YJEFN3: variants seen among roughly 807,000 people sequenced by gnomAD.
YJEFN3 encodes the protein yjeF N-terminal domain-containing protein 3.
YJEFN3 carries 29 observed loss-of-function variants against 31.5 expected under a neutral mutation model. That is an observed-to-expected ratio of 0.92 (90% CI 0.69 to 1.26). The LOEUF (loss-of-function observed/expected upper bound fraction) is 1.26, where lower values mean the gene tolerates loss of function less well. Ranked by LOEUF, YJEFN3 falls within the 50% of genes most tolerant of loss-of-function variation. The probability of loss-of-function intolerance (pLI) is 0.00; values close to 1 mark genes in which losing one functional copy is unlikely to be tolerated. For missense variants in YJEFN3, 442 were observed against 425.4 expected, an observed-to-expected ratio of 1.04 and a Z score of -0.34; for synonymous variants, 227 against 196.1, an observed-to-expected ratio of 1.16 and a Z score of -1.32.
At chr19:19,529,591 AC>A in intron 2 of YJEFN3, 78 bp downstream of exon 2, 1 of 1,550,936 alleles carries the variant, frequency 6.4e-7, no homozygotes, top group South Asian at 1.2e-5. Flanking sequence ...GTGACATGGG[AC>A]CCCAGGCAAG....
intron 4 of YJEFN3, 64 bp from the exon 5 acceptor site, chr19:19,535,273 C>T: frequency 1.3e-6 from 2 of 1,552,282 alleles, no homozygotes; most frequent in Non-Finnish European, 1.8e-6. Flanking sequence ...GTGCTTGTCC[C>T]AGGCAGGGTC....
In YJEFN3 at chr19:19,537,327, G is replaced by A. The variant is rs370349413; in HGVS notation, c.703G>A (p.Ala235Thr). ...GGACCCTCCTCCCTCAGGCTGGGAC[G>A]CAGAGACCGGCAGCGATTCGGAGGA... Reference protein sequence around the residue: ...VSLDIPSGWDAETGSDSEDGL... With the variant: ...VSLDIPSGWDTETGSDSEDGL... The change falls in exon 7 of 7, where the codon GCA becomes ACA. Residue 235 changes from alanine (A) to threonine (T), a missense_variant. Transcript: ENST00000514277. 2.5e-6 allele frequency: 4 copies of A among 1,591,804 alleles called. No individual in the cohort carries two copies. In the South Asian group the frequency reaches 3.3e-5, roughly 13 times the overall value.
rs1384946314 is a variant in YJEFN3, at chr19:19,528,934, T to TGAGCAGCGCAGC, written c.3_14dup (p.Ser2_Ala5dup). The TGAGCAGCGCAGC allele has an allele frequency of 1.9e-6, 3 of 1,548,394 alleles. No homozygotes were observed. In the Admixed American group the frequency reaches 5.9e-5, roughly 30 times the overall value. ...CCGGCGCCCGGGCTCACCTCGGCCATGAGCAGCGCAGCCGGCCCAGACCCG... is the reference window on the plus strand; with the variant it reads ...CCGGCGCCCGGGCTCACCTCGGCCATGAGCAGCGCAGCGAGCAGCGCAGCCGGCCCAGACCCG... On this transcript the variant is annotated inframe_insertion, in exon 1 of 7. Transcript: ENST00000514277.
chr19:19,531,223 T>C (rs55927782), intron 2 of YJEFN3, among the ~76,000 whole-genome samples: 22,414 of 152,176 alleles, frequency 0.15, 1,751 homozygotes, highest in Middle Eastern at 0.28. Flanking sequence ...ATTCATCCCC[T>C]CAAAACATCC....
In YJEFN3 at chr19:19,535,583, G is replaced by C. The variant is rs375047525; in HGVS notation, c.598G>C (p.Gly200Arg). The C allele has an allele frequency of 6.3e-7, 1 of 1,581,750 alleles. No homozygotes were observed. Among genetic ancestry groups the C allele is most frequent in the Non-Finnish European group, 8.6e-7 (1 of 1,163,564 alleles). ...GLVVDAVLGP[G>R]VEPGEVGGPC... Reference sequence around the variant, plus strand: ...GGTGGTGGATGCCGTACTGGGCCCCGGCGTGGAGCCGGGCGAGGTCGGGGG... The same window carrying C: ...GGTGGTGGATGCCGTACTGGGCCCCCGCGTGGAGCCGGGCGAGGTCGGGGG... Residue 200 changes from glycine (G) to arginine (R), a missense_variant, in exon 6 of 7, where the codon GGC becomes CGC. By Grantham distance (125) the Gly-to-Arg change is moderately radical. Coordinates refer to ENST00000514277, the MANE Select transcript of YJEFN3 (RefSeq NM_198537.4).
intron 6 of YJEFN3, among the ~76,000 whole-genome samples, chr19:19,536,659 A>G (rs1036072991): frequency 1.3e-5 from 2 of 151,470 alleles, no homozygotes; most frequent in African/African-American, 4.9e-5. Context: ...AGCCTGGGCA[A>G]TAGAGAGAGA....
chr19:19,529,304 G>C, intron 1 of YJEFN3, 60 bp from the exon 2 acceptor site: 2 of 1,552,528 alleles, frequency 1.3e-6, no homozygotes, highest in African/African-American at 1.4e-5. Flanking sequence ...CATCAGCAGC[G>C]CTGGTCGCTC....
intron 3 of YJEFN3, chr19:19,533,736 A>C (rs1304009473): frequency 1.0e-6 from 1 of 985,344 alleles, no homozygotes; most frequent in African/African-American, 1.7e-5. Context: ...TCCAAATGAA[A>C]TAGATCCCGG....
At position 19,532,646 on chromosome 19, in the gene YJEFN3, C is replaced by G. The variant is rs866284060; in HGVS notation, c.224C>G (p.Ala75Gly). Residue 75 changes from alanine (A) to glycine (G), a missense_variant, in exon 3 of 7, where the codon GCC (alanine) becomes GGC (glycine). Physicochemically the swap from Ala to Gly is moderately conservative, Grantham distance 60. Coordinates refer to ENST00000514277, the MANE Select transcript of YJEFN3 (RefSeq NM_198537.4). ...GPVCQSTAEA[A>G]ALERELLEDY... ...TCTGTCCCCAGCACCGCGGAGGCAGCCGCCCTGGAGCGGGAGCTGCTGGAG... is the reference window on the plus strand; with the variant it reads ...TCTGTCCCCAGCACCGCGGAGGCAGGCGCCCTGGAGCGGGAGCTGCTGGAG... 1.3e-6 allele frequency: 2 copies of G among 1,557,136 alleles called. No homozygotes were observed. Among genetic ancestry groups the G allele is most frequent in the South Asian group, 2.3e-5 (2 of 85,118 alleles).
At chr19:19,532,343 C>T (rs1384472995) in intron 2 of YJEFN3, among the ~76,000 whole-genome samples, 3 of 152,254 alleles carry the variant, frequency 2.0e-5, no homozygotes, top group African/African-American at 7.2e-5. Flanking sequence ...GTGTCCCACG[C>T]TTTGGAGCAG....
chr19:19,532,786 A>G (rs953572624), intron 3 of YJEFN3, 46 bp downstream of exon 3: 33 of 1,440,488 alleles, frequency 2.3e-5, no homozygotes, highest in African/African-American at 2.8e-5. Context: ...CAGACGGCCA[A>G]CTCTCCTGAG....
chr19:19,529,545 G>C, intron 2 of YJEFN3, 32 bp downstream of exon 2: 1 of 1,603,732 alleles, frequency 6.2e-7, no homozygotes, highest in Non-Finnish European at 8.5e-7. Flanking sequence ...AACTGGCGCC[G>C]TGGCTGTGAC....
rs141151340 is a variant in YJEFN3, at chr19:19,535,408, C to T, written c.501C>T (p.Cys167=). 2.3e-4 allele frequency: 364 copies of T among 1,614,020 alleles called. 1 individual carries two copies. The African/African-American group carries it at 4.1e-3, about 18-fold the overall frequency. ...DLLHRDLTTQ[C]EKMDIPFLSY... is the part of the protein sequence containing the mutation. Reference sequence around the variant, plus strand: ...TGCATCGGGACCTGACCACCCAGTGCGAGAAGATGGACATCCCCTTCCTGA... The same window carrying T: ...TGCATCGGGACCTGACCACCCAGTGTGAGAAGATGGACATCCCCTTCCTGA... The change falls in exon 5 of 7, where the codon TGC becomes TGT. Residue 167 remains cysteine, a synonymous_variant. Coordinates refer to ENST00000514277, the MANE Select transcript of YJEFN3 (RefSeq NM_198537.4).
intron 2 of YJEFN3, 117 bp downstream of exon 2, chr19:19,529,630 C>A: frequency 7.3e-7 from 1 of 1,377,518 alleles, no homozygotes; most frequent in East Asian, 2.4e-5. Flanking sequence ...GAACCAGATG[C>A]GTCCAACAGC....
rs1216267978 is a variant in YJEFN3 at position 19,528,920 on chromosome 19, G to T, written c.-13G>T. 6.5e-7 allele frequency: 1 copy of T among 1,547,524 alleles called. No individual in the cohort carries two copies. The highest frequency in any genetic ancestry group is 1.2e-5 in the South Asian group (1 of 83,884). ...GGTGGCGGCAGCGCCCGGCGCCCGG[G>T]CTCACCTCGGCCATGAGCAGCGCAG... On this transcript the variant is annotated 5_prime_UTR_variant, in exon 1 of 7. Coordinates refer to ENST00000514277, the MANE Select transcript of YJEFN3 (RefSeq NM_198537.4).
Position 19,534,049 on chromosome 19 carries a change from T to G in YJEFN3, c.319-985T>G. ...GCTGGGGCTCAAGAGACACCCAGAGTGCCTGTCAGGCGGTGGCACTGTCAT... is the reference window on the plus strand; with the variant it reads ...GCTGGGGCTCAAGAGACACCCAGAGGGCCTGTCAGGCGGTGGCACTGTCAT... On this transcript the variant is annotated intron_variant, in intron 3 of 6. Coordinates refer to ENST00000514277, the MANE Select transcript of YJEFN3 (RefSeq NM_198537.4). This position sits in a 1 kb window ranked among gnomAD's most constrained non-coding sequence, Gnocchi z 4.6. 1 of 985,596 alleles carries G rather than the reference T, an allele frequency of 1.0e-6. No homozygotes were observed. Among genetic ancestry groups the G allele is most frequent in the Non-Finnish European group, 1.2e-6 (1 of 830,054 alleles). The allele number at this position is 985,596 out of a possible 1,614,324, so 61.1% of individuals were successfully genotyped here.
At chr19:19,531,388 G>C (rs982403324) in intron 2 of YJEFN3, among the ~76,000 whole-genome samples, 3 of 152,102 alleles carry the variant, frequency 2.0e-5, no homozygotes, top group Admixed American at 6.5e-5. Flanking sequence ...AACTTTTCTA[G>C]GCCTGGCTCT....
In YJEFN3 at chr19:19,534,784, G is replaced by T. The variant is rs1360233814; in HGVS notation, c.319-250G>T. 9 of 380,144 alleles carry T rather than the reference G, an allele frequency of 2.4e-5. No individual in the cohort carries two copies. Among genetic ancestry groups the T allele is most frequent in the Non-Finnish European group, 4.2e-5 (9 of 213,166 alleles). 23.5% of individuals were successfully genotyped at this position (380,144 alleles called of 1,614,324 possible). On this transcript the variant is annotated intron_variant, in intron 3 of 6. Coordinates refer to ENST00000514277, the MANE Select transcript of YJEFN3 (RefSeq NM_198537.4). The surrounding 1 kb of genome is among the most constrained non-coding windows in gnomAD (Gnocchi z 4.6). ...TAAACAAACCGCACTCCGGGCGACGGGCAGTGGCTGGATGCACGTTTTTCC... is the reference window on the plus strand; with the variant it reads ...TAAACAAACCGCACTCCGGGCGACGTGCAGTGGCTGGATGCACGTTTTTCC...
Position 19,534,115 on chromosome 19 carries a change from G to T in YJEFN3, c.319-919G>T, listed in dbSNP as rs2061183917. 1.8e-5 allele frequency: 18 copies of T among 985,554 alleles called. No homozygotes were observed. Among genetic ancestry groups the T allele is most frequent in the Middle Eastern group, 5.1e-4 (1 of 1,944 alleles). The allele number at this position is 985,554 out of a possible 1,614,324, so 61.1% of individuals were successfully genotyped here. Reference sequence around the variant, plus strand: ...CCAAACTGAGTCTGGGAGAGAAGGGGCTGGGGCCACGCAGAATCAGGGCAG... The same window carrying T: ...CCAAACTGAGTCTGGGAGAGAAGGGTCTGGGGCCACGCAGAATCAGGGCAG... On this transcript the variant is annotated intron_variant, in intron 3 of 6. Coordinates refer to ENST00000514277, the MANE Select transcript of YJEFN3 (RefSeq NM_198537.4). This position sits in a 1 kb window ranked among gnomAD's most constrained non-coding sequence, Gnocchi z 4.6.
Sources: allele counts gnomAD v4.1 joint callset (sites outside exome capture counted in the v4.1 genomes callset), GRCh38; gene constraint gnomAD v4.1.1; non-coding constraint Gnocchi (gnomAD v3.1); transcripts MANE v1.5; gene names NCBI Gene and HGNC (gene_info 2026-07-23, HGNC 2026-07-21).